The following ZAP70 variants were observed in gnomAD, a reference collection of about 807,000 sequenced individuals.
ZAP70 encodes zeta chain of T cell receptor associated protein kinase 70, also known as tyrosine-protein kinase ZAP-70.
A neutral mutation model predicts 65.8 loss-of-function variants in ZAP70; 27 were observed. The observed-to-expected ratio is 0.41, with a 90% CI of 0.30 to 0.57. The LOEUF is 0.57. ZAP70 is among the 20% of genes least tolerant of loss of function. The pLI is 0.28. For missense variants in ZAP70, 696 were observed against 870.5 expected (o/e 0.80, Z 2.52); for synonymous variants, 363 against 360.8 (o/e 1.01, Z -0.07).
At chr2:97,751,508 T>A in the ZAP70 span, among the ~76,000 whole-genome samples, 2 of 152,222 alleles carry the variant, frequency 1.3e-5, no homozygotes, top group Non-Finnish European at 2.9e-5. Flanking sequence ...CTGAGAGGTA[T>A]GCTATTTTTA....
intron 8 of ZAP70, chr2:97,734,237 A>T: frequency 1.3e-6 from 1 of 763,336 alleles, no homozygotes; most frequent in African/African-American, 1.7e-5. Context: ...GAATGCACAC[A>T]CATGCACACC....
At chr2:97,722,903 T>C (rs1677215624) in intron 2 of ZAP70, among the ~76,000 whole-genome samples, 1 of 152,218 alleles carries the variant, frequency 6.6e-6, no homozygotes, top group African/African-American at 2.4e-5. Flanking sequence ...AAGCAGATCG[T>C]TACCTAGGGT....
At chr2:97,739,261 G>A in intron 13 of ZAP70, 114 bp from the exon 14 acceptor site, 2 of 1,520,828 alleles carry the variant, frequency 1.3e-6, no homozygotes, top group Non-Finnish European at 1.8e-6. Flanking sequence ...CAGCCCTGCT[G>A]ACTTTCTGAG....
At position 97,739,754 on chromosome 2, in the gene ZAP70, G is replaced by C; in HGVS notation, c.*256G>C. The C allele has an allele frequency of 1.8e-6, 1 of 570,460 alleles. No individual in the cohort carries two copies. The highest frequency in any genetic ancestry group is 3.0e-5 in the East Asian group (1 of 33,670). The allele number at this position is 570,460 out of a possible 1,614,324, so 35.3% of individuals were successfully genotyped here. On this transcript the variant is annotated 3_prime_UTR_variant, in exon 14 of 14. Transcript: ENST00000264972. Reference sequence around the variant, plus strand: ...GGTGGCTCCCGGAGGGCCCTGAGCTGAGGGCATTGCTTACACGGATGCCTT... The same window carrying C: ...GGTGGCTCCCGGAGGGCCCTGAGCTCAGGGCATTGCTTACACGGATGCCTT...
intron 4 of ZAP70, chr2:97,732,629 C>T: frequency 3.4e-6 from 2 of 586,536 alleles, no homozygotes; most frequent in Non-Finnish European, 6.0e-6. Context: ...CCGTGAATGG[C>T]CATCTGTTGG....
At chr2:97,734,916 G>C (rs1376279782) in intron 9 of ZAP70, 1 of 751,182 alleles carries the variant, frequency 1.3e-6, no homozygotes. Flanking sequence ...CTGGGCAGGG[G>C]GAGGCTGTGG....
the ZAP70 span, among the ~76,000 whole-genome samples, chr2:97,746,544 G>A: frequency 4.5e-3 from 684 of 152,326 alleles, 17 homozygotes; most frequent in East Asian, 0.067. Context: ...TTAAGGGCTT[G>A]GCAGATTTTG....
downstream of ZAP70, among the ~76,000 whole-genome samples, chr2:97,741,509 C>T (rs897780445): frequency 6.7e-6 from 1 of 149,620 alleles, no homozygotes; most frequent in Admixed American, 6.6e-5. Flanking sequence ...CCCCGTCCCC[C>T]CCAGGTGATG....
chr2:97,733,990 A>T (rs1157765829), intron 8 of ZAP70: 1 of 320,274 alleles, frequency 3.1e-6, no homozygotes, highest in East Asian at 7.2e-5. Flanking sequence ...TGGGGATGTG[A>T]GGCAGTGGTA....
At position 97,736,400 on chromosome 2, in the gene ZAP70, G is replaced by A. The variant is rs897573524; in HGVS notation, c.1289+944G>A. Among the ~76,000 whole-genome samples, 6 of 152,202 alleles carry A rather than the reference G, an allele frequency of 3.9e-5. No homozygotes were observed. Among genetic ancestry groups the A allele is most frequent in the Admixed American group, 2.6e-4 (4 of 15,282 alleles). On this transcript the variant is annotated intron_variant, in intron 10 of 13. Transcript: ENST00000264972. This position sits in a 1 kb window ranked among gnomAD's most constrained non-coding sequence, Gnocchi z 4.0. Reference sequence around the variant, plus strand: ...TGGCTGGTGCACACACCTTCCCAGTGTGCCCCTGGCTCCCACATTCAGTCA... The same window carrying A: ...TGGCTGGTGCACACACCTTCCCAGTATGCCCCTGGCTCCCACATTCAGTCA...
At chr2:97,718,305 C>T (rs1033831740) in intron 2 of ZAP70, among the ~76,000 whole-genome samples, 1 of 152,144 alleles carries the variant, frequency 6.6e-6, no homozygotes, top group Non-Finnish European at 1.5e-5. Flanking sequence ...ATCGGTGCAG[C>T]TCACTGACAG....
rs759650270 is a variant in ZAP70, at chr2:97,733,343, T to C, written c.837T>C (p.His279=). ...CAGCCCACCCATCCACGTTGACTCA[T>C]GTGAGTTGGGGGCACCTGGAGTGTG... ...TLPAHPSTLT[H]PQRRIDTLNS... is the part of the protein sequence containing the mutation. The change falls in exon 7 of 14, where the codon CAT becomes CAC. Residue 279 remains histidine, a splice_region_variant and synonymous_variant. Coordinates refer to ENST00000264972, the MANE Select transcript of ZAP70 (RefSeq NM_001079.4). 5.0e-6 allele frequency: 8 copies of C among 1,594,246 alleles called. No homozygotes were observed. In the East Asian group the frequency reaches 1.3e-4, roughly 27 times the overall value.
rs1363418562 is a variant in ZAP70, at chr2:97,731,520, C to A, written c.564-1363C>A. On this transcript the variant is annotated intron_variant, in intron 4 of 13. Transcript: ENST00000264972. This position sits in a 1 kb window ranked among gnomAD's most constrained non-coding sequence, Gnocchi z 4.0. Reference sequence around the variant, plus strand: ...GATTTCCCATCTCTCCATGTTATCTCCAGACTGTTGTGGGCTAGCCTGGGA... The same window carrying A: ...GATTTCCCATCTCTCCATGTTATCTACAGACTGTTGTGGGCTAGCCTGGGA... Among the ~76,000 whole-genome samples, 2 of 152,136 alleles carry A rather than the reference C, an allele frequency of 1.3e-5. No homozygotes were observed. The highest frequency in any genetic ancestry group is 2.4e-5 in the African/African-American group (1 of 41,416).
chr2:97,739,112 CCTCA>C (rs915498879), intron 13 of ZAP70, among the ~76,000 whole-genome samples: 15 of 152,170 alleles, frequency 9.9e-5, no homozygotes, highest in African/African-American at 3.4e-4. Context: ...TCCCCTGAGT[CCTCA>C]CTGGTCAACG....
rs764504973 is a variant in ZAP70, at chr2:97,736,040, A to G, written c.1289+584A>G. Among the ~76,000 whole-genome samples, 18 of 152,048 alleles carry G rather than the reference A, an allele frequency of 1.2e-4. No homozygotes were observed. Among genetic ancestry groups the G allele is most frequent in the Non-Finnish European group, 2.2e-4 (15 of 68,010 alleles). On this transcript the variant is annotated intron_variant, in intron 10 of 13. Coordinates refer to ENST00000264972, the MANE Select transcript of ZAP70 (RefSeq NM_001079.4). The surrounding 1 kb of genome is among the most constrained non-coding windows in gnomAD (Gnocchi z 4.0). ...AAATAAATAAAAATAAATAAAGGGC[A>G]CTGCTAGTAAGAGCTTTGTACACAT...
intron 4 of ZAP70, among the ~76,000 whole-genome samples, chr2:97,726,819 G>A (rs1677405595): frequency 6.6e-6 from 1 of 152,244 alleles, no homozygotes; most frequent in Admixed American, 6.5e-5. Context: ...GGACAGGGCT[G>A]TTTTCTCTAA....
rs561764852 is a variant in ZAP70 at position 97,736,322 on chromosome 2, A to G, written c.1289+866A>G. 1.3e-5 allele frequency among the ~76,000 whole-genome samples: 2 copies of G among 152,150 alleles called. No homozygotes were observed. The highest frequency in any genetic ancestry group is 4.2e-4 in the South Asian group (2 of 4,814). On this transcript the variant is annotated intron_variant, in intron 10 of 13. Transcript: ENST00000264972. This position sits in a 1 kb window ranked among gnomAD's most constrained non-coding sequence, Gnocchi z 4.0. ...TCCTCATCCCCAAACTCTTACCCTC[A>G]CAGACACAAGTTCTGCACTCCCCAA... is the stretch of plus-strand genomic sequence containing the variant.
At position 97,736,461 on chromosome 2, in the gene ZAP70, A is replaced by T. The variant is rs996580586; in HGVS notation, c.1289+1005A>T. Among the ~76,000 whole-genome samples, 2 of 152,224 alleles carry T rather than the reference A, an allele frequency of 1.3e-5. No homozygotes were observed. The highest frequency in any genetic ancestry group is 4.8e-5 in the African/African-American group (2 of 41,460). On this transcript the variant is annotated intron_variant, in intron 10 of 13. Coordinates refer to ENST00000264972, the MANE Select transcript of ZAP70 (RefSeq NM_001079.4). This position sits in a 1 kb window ranked among gnomAD's most constrained non-coding sequence, Gnocchi z 4.0. ...GTTTATTGGACAGTTTCTCAGTGAC[A>T]GGAACTGTTAGTAGCACTTGGGATT...
intron 2 of ZAP70, among the ~76,000 whole-genome samples, chr2:97,714,320 C>T (rs1029205184): frequency 6.6e-6 from 1 of 152,194 alleles, no homozygotes; most frequent in Admixed American, 6.5e-5. Flanking sequence ...CCAGAGAAAG[C>T]GCATGTGCAC....
Sources: gnomAD v4.1 joint callset for allele counts (sites outside exome capture counted in the v4.1 genomes callset) on GRCh38, gnomAD v4.1.1 for gene constraint, Gnocchi (gnomAD v3.1) non-coding constraint, MANE v1.5 for transcripts, NCBI Gene and HGNC (gene_info 2026-07-23, HGNC 2026-07-21) for gene names.